Variants in NTM observed in about 807,000 individuals in gnomAD.
The protein encoded by NTM is IgLON family member 2.
NTM carries 13 observed loss-of-function variants against 42.1 expected under a neutral mutation model. That is an observed-to-expected ratio of 0.31 (90% confidence interval 0.20 to 0.49). The LOEUF (loss-of-function observed/expected upper bound fraction) is 0.49, where lower values mean the gene tolerates loss of function less well. Among genes scored for constraint, NTM ranks in the 20% least tolerant of loss-of-function variants. NTM has a pLI of 0.99. For missense variants in NTM, 373 were observed against 452.8 expected (o/e 0.82, Z 1.60); for synonymous variants, 187 against 179.2 (o/e 1.04, Z -0.35).
intron 7 of NTM, chr11:132,315,140 A>G: frequency 1.1e-6 from 1 of 891,746 alleles, no homozygotes; most frequent in Non-Finnish European, 1.3e-6. Context: ...AATTGGGTAA[A>G]ATAGTCAAGA....
intron 3 of NTM, among the ~76,000 whole-genome samples, chr11:132,163,637 T>C (rs4937677): frequency 0.8 from 121,656 of 152,160 alleles, 48,767 homozygotes; most frequent in Middle Eastern, 0.84. Flanking sequence ...CTTCACAGCC[T>C]CCCTCAAACA....
intron 2 of NTM, among the ~76,000 whole-genome samples, chr11:131,937,134 A>T (rs1478726978): frequency 6.6e-6 from 1 of 151,946 alleles, no homozygotes; most frequent in Non-Finnish European, 1.5e-5. Context: ...AAAAACGTCT[A>T]CTCTTTTATT....
intron 1 of NTM, among the ~76,000 whole-genome samples, chr11:131,848,403 C>A (rs1222977788): frequency 1.3e-5 from 2 of 152,176 alleles, no homozygotes; most frequent in Non-Finnish European, 2.9e-5. Flanking sequence ...ATTTGGAATG[C>A]TTTTCATCTA....
intron 2 of NTM, among the ~76,000 whole-genome samples, chr11:132,076,333 G>T (rs1180603470): frequency 6.6e-6 from 1 of 152,148 alleles, no homozygotes; most frequent in East Asian, 1.9e-4. Flanking sequence ...TCACTTACCA[G>T]ATCTGCAGGT....
rs79416786 is a variant in NTM, at chr11:132,098,878, C to T, written c.168-47404C>T. Among the ~76,000 whole-genome samples the T allele has an allele frequency of 6.6e-3, 1,010 of 152,382 alleles. 10 individuals are homozygous for T. Among genetic ancestry groups the T allele is most frequent in the African/African-American group, 0.022 (906 of 41,588 alleles). On this transcript the variant is annotated intron_variant, in intron 2 of 8. Transcript: ENST00000683400. ...CCTGCACAACCTGTATACAGCAGCC[C>T]TGCAGCTTGGACTGTTTTGATCACA...
chr11:132,330,313 A>G (rs2095778187), intron 8 of NTM, 128 bp downstream of exon 8: 2 of 947,440 alleles, frequency 2.1e-6, no homozygotes, highest in Non-Finnish European at 3.1e-6. Context: ...CCCTCCCCCA[A>G]CCTTCAACCA....
intron 3 of NTM, among the ~76,000 whole-genome samples, chr11:132,190,853 G>A (rs982964216): frequency 6.6e-6 from 1 of 152,070 alleles, no homozygotes; most frequent in African/African-American, 2.4e-5. Context: ...TAGCATCTTA[G>A]AGACACAGGG....
intron 1 of NTM, among the ~76,000 whole-genome samples, chr11:131,744,153 G>T (rs1198321710): frequency 6.6e-6 from 1 of 152,098 alleles, no homozygotes; most frequent in Non-Finnish European, 1.5e-5. Flanking sequence ...TGAATTAGAG[G>T]TAATTATTCC....
intron 4 of NTM, among the ~76,000 whole-genome samples, chr11:132,218,459 C>A (rs2167050): frequency 0.37 from 55,655 of 151,908 alleles, 10,710 homozygotes; most frequent in Middle Eastern, 0.54. Flanking sequence ...TGGCTGTGCT[C>A]TGAAACCTGG....
intron 1 of NTM, among the ~76,000 whole-genome samples, chr11:131,626,200 G>A (rs918631413): frequency 2.0e-5 from 3 of 152,022 alleles, no homozygotes; most frequent in Non-Finnish European, 2.9e-5. Context: ...AACACACATG[G>A]AGAATATACC....
At chr11:132,297,951 C>T (rs775704347) in intron 4 of NTM, among the ~76,000 whole-genome samples, 1 of 152,112 alleles carries the variant, frequency 6.6e-6, no homozygotes, top group Non-Finnish European at 1.5e-5. Flanking sequence ...GATTAAGAAC[C>T]CCTGCCCTAC....
chr11:131,949,780 C>A (rs1336444801), intron 2 of NTM, among the ~76,000 whole-genome samples: 2 of 152,258 alleles, frequency 1.3e-5, no homozygotes, highest in African/African-American at 4.8e-5. Flanking sequence ...TTTTCAGGTC[C>A]TTTTCAGAAG....
intron 1 of NTM, among the ~76,000 whole-genome samples, chr11:131,600,887 C>G (rs551466791): frequency 4.3e-4 from 66 of 151,934 alleles, no homozygotes; most frequent in Non-Finnish European, 7.6e-4. Context: ...CTTTTGAGGT[C>G]TAATGAGAAA....
At chr11:131,586,878 C>A (rs1360553988) in intron 1 of NTM, among the ~76,000 whole-genome samples, 3 of 152,204 alleles carry the variant, frequency 2.0e-5, no homozygotes, top group Admixed American at 2.0e-4. Context: ...TATCACTTAT[C>A]TCACACTAAC....
chr11:131,475,225 T>C (rs1232960028), intron 1 of NTM, among the ~76,000 whole-genome samples: 1 of 152,220 alleles, frequency 6.6e-6, no homozygotes, highest in Non-Finnish European at 1.5e-5. Flanking sequence ...ACAGAGTAGA[T>C]ATCTGCCCAC....
At chr11:131,620,164 C>T (rs2062378773) in intron 1 of NTM, among the ~76,000 whole-genome samples, 1 of 152,190 alleles carries the variant, frequency 6.6e-6, no homozygotes, top group Non-Finnish European at 1.5e-5. Context: ...TACTACGAGA[C>T]TATATCCAAG....
At chr11:131,493,542 A>G (rs1955018876) in intron 1 of NTM, among the ~76,000 whole-genome samples, 1 of 152,140 alleles carries the variant, frequency 6.6e-6, no homozygotes, top group Non-Finnish European at 1.5e-5. Context: ...TCCTGAATGG[A>G]CAACAACCAC....
intron 1 of NTM, among the ~76,000 whole-genome samples, chr11:131,842,483 G>C (rs115544206): frequency 2.0e-5 from 3 of 152,082 alleles, no homozygotes; most frequent in Admixed American, 6.6e-5. Flanking sequence ...ATAGAGCATC[G>C]AGAGGCAGTA....
At chr11:131,480,622 G>A (rs910611339) in intron 1 of NTM, among the ~76,000 whole-genome samples, 4 of 152,166 alleles carry the variant, frequency 2.6e-5, no homozygotes, top group African/African-American at 7.2e-5. Context: ...ATGATAAAAG[G>A]GATTCCTATA....
Sources: gnomAD v4.1 joint callset for allele counts (sites outside exome capture counted in the v4.1 genomes callset) on GRCh38, gnomAD v4.1.1 for gene constraint, MANE v1.5 for transcripts, NCBI Gene and HGNC (gene_info 2026-07-23, HGNC 2026-07-21) for gene names.